Variants in MAST4 observed in about 807,000 individuals in gnomAD.
MAST4 encodes microtubule-associated serine/threonine-protein kinase 4.
Under a neutral mutation model 162.7 loss-of-function variants are expected in MAST4, and 89 were observed. The ratio of observed to expected loss-of-function variants is 0.55; its 90% confidence interval spans 0.46 to 0.65. The LOEUF (loss-of-function observed/expected upper bound fraction) is 0.65, where lower values mean the gene tolerates loss of function less well. MAST4 is among the 30% of genes least tolerant of loss of function. MAST4 has a pLI of 0.00. For synonymous variants in MAST4, 1,479 were observed against 1,361.1 expected (o/e 1.09, Z -1.91); for missense variants, 3,153 against 3,374.0 (o/e 0.93, Z 1.62).
intron 1 of MAST4, among the ~76,000 whole-genome samples, chr5:66,714,830 C>T (rs1489387438): frequency 6.6e-6 from 1 of 152,220 alleles, no homozygotes; most frequent in Admixed American, 6.5e-5. Context: ...ACTTTGTGGT[C>T]CCCACAGGTC....
At chr5:67,098,672 A>G (rs1431516721) in intron 7 of MAST4, among the ~76,000 whole-genome samples, 1 of 152,176 alleles carries the variant, frequency 6.6e-6, no homozygotes, top group Non-Finnish European at 1.5e-5. Context: ...TTGGAACTCT[A>G]ATTGCCTGAA....
At chr5:67,009,157 A>G (rs1348790473) in intron 4 of MAST4, among the ~76,000 whole-genome samples, 2 of 151,544 alleles carry the variant, frequency 1.3e-5, no homozygotes, top group East Asian at 3.9e-4. Flanking sequence ...AACCAGGACA[A>G]TCAAGAAGTA....
rs1001969727 is a variant in MAST4, at chr5:66,911,573, C to G, written c.674+11591C>G. Among the ~76,000 whole-genome samples, 23 of 54,570 alleles carry G rather than the reference C, an allele frequency of 4.2e-4. 1 individual carries two copies. The highest frequency in any genetic ancestry group is 1.3e-3 in the African/African-American group (19 of 14,786). The allele number at this position is 54,570 out of a possible 152,430, so 35.8% of individuals were successfully genotyped here. On this transcript the variant is annotated intron_variant, in intron 4 of 28. Transcript: ENST00000403625. ...AACAACAACAACCCCCCCCCCCCCC[C>G]CCGCAAAAAAAAATTAGCTAGGCAT...
chr5:67,069,416 T>A (rs1760656061), intron 5 of MAST4, among the ~76,000 whole-genome samples: 2 of 151,734 alleles, frequency 1.3e-5, no homozygotes, highest in Non-Finnish European at 2.9e-5. Context: ...AATATATACC[T>A]GCCTTGTGTT....
intron 4 of MAST4, among the ~76,000 whole-genome samples, chr5:67,038,803 C>T (rs12523505): frequency 0.25 from 37,273 of 151,958 alleles, 4,917 homozygotes; most frequent in African/African-American, 0.3. Context: ...GGTGTACTGT[C>T]CAGGAGGCAA....
At chr5:66,706,623 G>C (rs1273179257) in intron 1 of MAST4, among the ~76,000 whole-genome samples, 1 of 131,728 alleles carries the variant, frequency 7.6e-6, no homozygotes, top group Admixed American at 7.7e-5. Flanking sequence ...TTTTTTTTTT[G>C]TTGAAGTGAT....
intron 1 of MAST4, among the ~76,000 whole-genome samples, chr5:66,751,035 C>T (rs895634041): frequency 6.6e-6 from 1 of 152,022 alleles, no homozygotes; most frequent in East Asian, 1.9e-4. Flanking sequence ...AGCAGGGGCA[C>T]ACTGACATCT....
At position 67,167,092 on chromosome 5, in the gene MAST4, AACGGGCG is replaced by A; in HGVS notation, c.*44_*50del. The A allele has an allele frequency of 6.7e-7, 1 of 1,494,396 alleles. No individual in the cohort carries two copies. Among genetic ancestry groups the A allele is most frequent in the Admixed American group, 2.3e-5 (1 of 43,342 alleles). 92.6% of individuals were successfully genotyped at this position (1,494,396 alleles called of 1,614,324 possible). On this transcript the variant is annotated 3_prime_UTR_variant, in exon 29 of 29. Coordinates refer to ENST00000403625, the MANE Select transcript of MAST4 (RefSeq NM_001164664.2). ...GGCAGGACTGTGGAGACCCGTCCTG[AACGGGCG>A]ACTGTGTCTTGACTACCTTTCAAAA...
At chr5:66,664,638 A>T (rs1747133071) in intron 1 of MAST4, among the ~76,000 whole-genome samples, 1 of 151,448 alleles carries the variant, frequency 6.6e-6, no homozygotes, top group South Asian at 2.1e-4. Flanking sequence ...ACAAGACTGG[A>T]TGAGGCCATG....
intron 19 of MAST4, among the ~76,000 whole-genome samples, chr5:67,141,359 C>A (rs990088674): frequency 2.6e-5 from 4 of 152,090 alleles, no homozygotes; most frequent in African/African-American, 9.7e-5. Context: ...CTGATTCTTA[C>A]GCTATGATAT....
At chr5:66,827,579 T>G (rs1757332037) in intron 3 of MAST4, among the ~76,000 whole-genome samples, 1 of 152,228 alleles carries the variant, frequency 6.6e-6, no homozygotes, top group African/African-American at 2.4e-5. Context: ...ACCAGTGGAA[T>G]AGCAGGTGAA....
intron 1 of MAST4, among the ~76,000 whole-genome samples, chr5:66,648,875 T>G (rs1746034398): frequency 6.6e-6 from 1 of 152,156 alleles, no homozygotes; most frequent in Admixed American, 6.5e-5. Context: ...GACTTGATGT[T>G]TTATGTTTAT....
intron 4 of MAST4, among the ~76,000 whole-genome samples, chr5:66,982,995 G>C (rs1233738848): frequency 6.6e-6 from 1 of 152,184 alleles, no homozygotes; most frequent in Non-Finnish European, 1.5e-5. Context: ...GAGAGTTATA[G>C]CTTTTATTGA....
In MAST4 at chr5:67,163,634, G is replaced by A. The variant is rs1231322593; in HGVS notation, c.4455G>A (p.Pro1485=). The change falls in exon 29 of 29, where the codon CCG becomes CCA. Residue 1485 remains proline (P), a synonymous_variant. Coordinates refer to ENST00000403625, the MANE Select transcript of MAST4 (RefSeq NM_001164664.2). This position sits in a 1 kb window ranked among gnomAD's most constrained non-coding sequence, Gnocchi z 7.0. ...VQREQSQREA[P]LQSLDENVCD... Reference sequence around the variant, plus strand: ...GGGAGCAGTCCCAGCGGGAGGCGCCGCTGCAGAGCCTGGATGAGAACGTGT... The same window carrying A: ...GGGAGCAGTCCCAGCGGGAGGCGCCACTGCAGAGCCTGGATGAGAACGTGT... 1.2e-6 allele frequency: 2 copies of A among 1,605,800 alleles called. No individual in the cohort carries two copies. Among genetic ancestry groups the A allele is most frequent in the Admixed American group, 1.7e-5 (1 of 58,906 alleles).
At chr5:67,130,870 C>T (rs1166354676) in intron 15 of MAST4, among the ~76,000 whole-genome samples, 3 of 151,904 alleles carry the variant, frequency 2.0e-5, no homozygotes, top group Non-Finnish European at 2.9e-5. Context: ...CGATTTTTAG[C>T]TTTTTTTTCT....
intron 4 of MAST4, among the ~76,000 whole-genome samples, chr5:66,907,587 CGTGTGTGTGTGTGTGTGTGTGTGT>C (rs59273615): frequency 6.9e-5 from 10 of 144,238 alleles, no homozygotes; most frequent in East Asian, 4.2e-4. Flanking sequence ...TAGGTTGATG[CGTGTGTGTGTGTGTGTGTGTGTGT>C]GTGTGTGTGT....
chr5:66,799,506 G>T (rs957360319), intron 3 of MAST4, among the ~76,000 whole-genome samples: 5 of 152,168 alleles, frequency 3.3e-5, no homozygotes, highest in African/African-American at 1.2e-4. Flanking sequence ...TTCCTTGGGT[G>T]GGTTCTTTTA....
At chr5:66,796,574 G>A (rs968031591) in intron 3 of MAST4, among the ~76,000 whole-genome samples, 2 of 152,152 alleles carry the variant, frequency 1.3e-5, no homozygotes, top group South Asian at 2.1e-4. Flanking sequence ...TTGACAGTGA[G>A]GCGAATGGTG....
chr5:66,930,745 A>G (rs1197730939), intron 4 of MAST4: 2 of 470,858 alleles, frequency 4.2e-6, no homozygotes, highest in East Asian at 1.4e-4. Context: ...ACTGTCTTTC[A>G]GCAACTGAGC....
Sources: allele counts gnomAD v4.1 joint callset (sites outside exome capture counted in the v4.1 genomes callset), GRCh38; gene constraint gnomAD v4.1.1; non-coding constraint Gnocchi (gnomAD v3.1); transcripts MANE v1.5; gene names NCBI Gene and HGNC (gene_info 2026-07-23, HGNC 2026-07-21).